Variants in ATP1B3 observed in about 807,000 individuals in gnomAD.
The protein encoded by ATP1B3 is ATPase Na+/K+ transporting subunit beta 3.
A neutral mutation model predicts 30.2 loss-of-function variants in ATP1B3; 10 were observed. The observed-to-expected ratio is 0.33, with a 90% CI of 0.20 to 0.56. The LOEUF is 0.56. Among genes scored for constraint, ATP1B3 ranks in the 20% least tolerant of loss-of-function variants. ATP1B3 has a pLI of 0.90. For synonymous variants in ATP1B3, 113 were observed against 117.0 expected (o/e 0.97, Z 0.22); for missense variants, 238 against 336.7 (o/e 0.71, Z 2.29).
intron 1 of ATP1B3, among the ~76,000 whole-genome samples, chr3:141,882,088 A>G (rs1227903179): frequency 6.6e-6 from 1 of 152,182 alleles, no homozygotes; most frequent in Non-Finnish European, 1.5e-5. Flanking sequence ...TTATATCTAT[A>G]CAATTAAACT....
At chr3:141,885,565 T>C (rs1933813316) in intron 1 of ATP1B3, among the ~76,000 whole-genome samples, 1 of 152,078 alleles carries the variant, frequency 6.6e-6, no homozygotes, top group Non-Finnish European at 1.5e-5. Context: ...TCTCCTGTCT[T>C]AGCCTCCCGA....
At position 141,876,767 on chromosome 3, in the gene ATP1B3, C is replaced by T. The variant is rs752821991; in HGVS notation, c.-35C>T. On this transcript the variant is annotated 5_prime_UTR_variant, in exon 1 of 7. Coordinates refer to ENST00000286371, the MANE Select transcript of ATP1B3 (RefSeq NM_001679.4). ...GCAGCCCTCGCCGCCTCCATCCCCG[C>T]GGCCGCAGCTCCTCTCGCCGTCCGC... 2.4e-5 allele frequency: 37 copies of T among 1,550,986 alleles called. No homozygotes were observed. The highest frequency in any genetic ancestry group is 1.8e-4 in the Middle Eastern group (1 of 5,638).
In ATP1B3 at chr3:141,878,063, G is replaced by C. The variant is rs1933642431; in HGVS notation, c.109+1153G>C. Among the ~76,000 whole-genome samples the C allele has an allele frequency of 3.3e-5, 5 of 152,216 alleles. No homozygotes were observed. The South Asian group carries it at 1.0e-3, about 32-fold the overall frequency. The stretch of plus-strand genomic sequence containing the variant: ...GAAATGGACTCCTTCAGGGTGAAAA[G>C]GCGACTTGAAGTCTTATCACAAGCT... On this transcript the variant is annotated intron_variant, in intron 1 of 6. Coordinates refer to ENST00000286371, the MANE Select transcript of ATP1B3 (RefSeq NM_001679.4).
At chr3:141,900,339 G>A (rs1934140297) in intron 1 of ATP1B3, among the ~76,000 whole-genome samples, 1 of 152,104 alleles carries the variant, frequency 6.6e-6, no homozygotes, top group Non-Finnish European at 1.5e-5. Flanking sequence ...TAAAAACTCT[G>A]GACACTGAAG....
chr3:141,923,891 A>G (rs1231329549), intron 6 of ATP1B3, among the ~76,000 whole-genome samples: 1 of 152,224 alleles, frequency 6.6e-6, no homozygotes, highest in African/African-American at 2.4e-5. Flanking sequence ...CCTCAAAAGA[A>G]ATGTTGAGTT....
intron 1 of ATP1B3, among the ~76,000 whole-genome samples, chr3:141,881,051 A>C (rs1933713662): frequency 2.0e-5 from 3 of 152,116 alleles, no homozygotes; most frequent in Non-Finnish European, 2.9e-5. Context: ...TAAAGTACAA[A>C]AATTAGCCCG....
At chr3:141,899,452 T>C (rs1398772212) in intron 1 of ATP1B3, among the ~76,000 whole-genome samples, 9 of 152,140 alleles carry the variant, frequency 5.9e-5, no homozygotes. Flanking sequence ...AGCTAGAAAG[T>C]GTGCAGAGGT....
chr3:141,877,011 G>C (rs1468455287), intron 1 of ATP1B3, 101 bp downstream of exon 1: 9 of 923,872 alleles, frequency 9.7e-6, no homozygotes, highest in South Asian at 2.2e-5. Flanking sequence ...TCCCAGCGCC[G>C]GGGCTCCCGA....
intron 2 of ATP1B3, among the ~76,000 whole-genome samples, chr3:141,904,305 CTTT>C (rs202114170): frequency 7.0e-6 from 1 of 143,664 alleles, no homozygotes. Context: ...GTTTCGGTTT[CTTT>C]TTTTTTTTGT....
At chr3:141,907,947 T>C (rs1356891034) in intron 3 of ATP1B3, among the ~76,000 whole-genome samples, 1 of 148,946 alleles carries the variant, frequency 6.7e-6, no homozygotes, top group African/African-American at 2.5e-5. Context: ...AGGACTTGGA[T>C]TTTTTTTTGC....
chr3:141,884,583 C>G (rs141479229), intron 1 of ATP1B3, among the ~76,000 whole-genome samples: 2 of 152,190 alleles, frequency 1.3e-5, no homozygotes. Flanking sequence ...GAAAGGCAGA[C>G]CCACTCTTAA....
rs989898068 is a variant in ATP1B3, at chr3:141,920,925, C to T, written c.583-1052C>T. ...TGTCCTTTGTGCTGTCTGGCCGGTG[C>T]CTTTCATCTGTCTCTCACCCCACCC... On this transcript the variant is annotated intron_variant, in intron 5 of 6. Transcript: ENST00000286371. 2.6e-5 allele frequency among the ~76,000 whole-genome samples: 4 copies of T among 152,084 alleles called. No individual in the cohort carries two copies. In the East Asian group the frequency reaches 7.7e-4, roughly 29 times the overall value.
intron 1 of ATP1B3, among the ~76,000 whole-genome samples, chr3:141,877,336 GCGGTTC>G (rs1406937115): frequency 6.6e-6 from 1 of 152,132 alleles, no homozygotes; most frequent in African/African-American, 2.4e-5. Context: ...GGCCCGCTGA[GCGGTTC>G]GGAGAAGCCA....
intron 1 of ATP1B3, among the ~76,000 whole-genome samples, chr3:141,894,628 A>G (rs1008645123): frequency 2.0e-5 from 3 of 152,148 alleles, no homozygotes; most frequent in Non-Finnish European, 4.4e-5. Context: ...ATTAGCCTAG[A>G]CCTACACAGA....
chr3:141,899,737 C>T (rs113299842), intron 1 of ATP1B3, among the ~76,000 whole-genome samples: 16,360 of 152,158 alleles, frequency 0.11, 1,079 homozygotes, highest in Middle Eastern at 0.16. Flanking sequence ...GGTGTGGTGA[C>T]ACATGCCTGT....
chr3:141,881,128 G>C (rs1384976784), intron 1 of ATP1B3, among the ~76,000 whole-genome samples: 1 of 151,668 alleles, frequency 6.6e-6, no homozygotes, highest in Non-Finnish European at 1.5e-5. Flanking sequence ...GCTTGAACCC[G>C]GGAGGTGGAG....
intron 3 of ATP1B3, among the ~76,000 whole-genome samples, chr3:141,913,269 C>T (rs1296402736): frequency 6.6e-6 from 1 of 151,638 alleles, no homozygotes; most frequent in Non-Finnish European, 1.5e-5. Context: ...ATTTTATACT[C>T]ACTTAATGAC....
chr3:141,888,260 G>A (rs1024892854), intron 1 of ATP1B3, among the ~76,000 whole-genome samples: 8 of 152,280 alleles, frequency 5.3e-5, no homozygotes, highest in South Asian at 4.1e-4. Context: ...GAATACATTC[G>A]TGTGTTTCTC....
chr3:141,911,749 C>A (rs2107776091), intron 3 of ATP1B3, among the ~76,000 whole-genome samples: 1 of 152,330 alleles, frequency 6.6e-6, no homozygotes, highest in African/African-American at 2.4e-5. Flanking sequence ...CCCATCTCAG[C>A]CTCCCAAAGT....
Sources: allele counts gnomAD v4.1 joint callset (sites outside exome capture counted in the v4.1 genomes callset), GRCh38; gene constraint gnomAD v4.1.1; transcripts MANE v1.5; gene names NCBI Gene and HGNC (gene_info 2026-07-23, HGNC 2026-07-21).